CXCL3: variants seen among roughly 807,000 people sequenced by gnomAD.
The protein encoded by CXCL3 is C-X-C motif chemokine 3.
CXCL3 carries 10 observed loss-of-function variants against 11.5 expected under a neutral mutation model. That is an observed-to-expected ratio of 0.87 (90% confidence interval 0.54 to 1.48). The LOEUF is 1.48. CXCL3 is among the 40% of genes most tolerant of loss of function. The pLI, the probability that CXCL3 is intolerant of heterozygous loss-of-function variation, is 0.00. For synonymous variants in CXCL3, 61 were observed against 60.9 expected, an observed-to-expected ratio of 1.00 and a Z score of -0.01; for missense variants, 149 against 139.1, an observed-to-expected ratio of 1.07 and a Z score of -0.36.
In CXCL3 at chr4:74,036,811, A is replaced by T. The variant is rs199517714; in HGVS notation, c.*451T>A. 487 of 151,744 alleles carry T rather than the reference A, an allele frequency of 3.2e-3. No homozygotes were observed. The highest frequency in any genetic ancestry group is 0.014 in the South Asian group (67 of 4,778). The allele number at this position is 151,744 out of a possible 1,614,324, so 9.4% of individuals were successfully genotyped here. A position where few individuals can be genotyped will look rare whatever the true frequency, so the allele number is the denominator to read the frequency against. ...AAATAACAACTGACATTCTTTTTTT[A>T]AAAAAAAAGTATAAAAAATAGATGT... On this transcript the variant is annotated 3_prime_UTR_variant, in exon 4 of 4. Coordinates refer to ENST00000296026, the MANE Select transcript of CXCL3 (RefSeq NM_002090.3).
At chr4:74,037,336 C>A (rs534060736) in intron 3 of CXCL3, 59 bp from the exon 4 acceptor site, 5 of 1,610,006 alleles carry the variant, frequency 3.1e-6, no homozygotes, top group East Asian at 4.5e-5. Flanking sequence ...TTCTGTCACT[C>A]TGAAGTTGCT....
chr4:74,037,323 C>T (rs1169248799), intron 3 of CXCL3, 46 bp from the exon 4 acceptor site: 1 of 1,613,344 alleles, frequency 6.2e-7, no homozygotes, highest in Admixed American at 1.7e-5. Flanking sequence ...AGGAAGGCTG[C>T]TCTTCTGTCA....
In CXCL3 at chr4:74,038,598, G is replaced by C; in HGVS notation, c.14C>G (p.Thr5Arg). The change falls in exon 1 of 4, where the codon ACG (threonine) becomes AGG (arginine). Residue 5 changes from threonine (T) to arginine (R), a missense_variant. Physicochemically the swap from Thr to Arg is moderately conservative, Grantham distance 71. Transcript: ENST00000296026. ...GGGATTGCTGGGGGCGGCGGAGAGCGTGGCGTGGGCCATGGGGCTCAGCAG... is the reference window on the plus strand; with the variant it reads ...GGGATTGCTGGGGGCGGCGGAGAGCCTGGCGTGGGCCATGGGGCTCAGCAG... MAHA[T>R]LSAAPSNPRL... is the part of the protein sequence containing the mutation. 1 of 1,482,902 alleles carries C rather than the reference G, an allele frequency of 6.7e-7. No individual in the cohort carries two copies. The highest frequency in any genetic ancestry group is 8.9e-7 in the Non-Finnish European group (1 of 1,119,906). 91.9% of individuals were successfully genotyped at this position (1,482,902 alleles called of 1,614,324 possible).
rs1212604603 is a variant in CXCL3 at position 74,037,128 on chromosome 4, C to T, written c.*134G>A. 9.1e-6 allele frequency: 8 copies of T among 875,252 alleles called. No individual in the cohort carries two copies. The highest frequency in any genetic ancestry group is 1.4e-5 in the Non-Finnish European group (8 of 560,474). 54.2% of individuals were successfully genotyped at this position (875,252 alleles called of 1,614,324 possible). ...AAGTAGAACCCTCGTAAGAAATAGTCAAACACATTAAGTCCTTTCCAGCTG... is the reference window on the plus strand; with the variant it reads ...AAGTAGAACCCTCGTAAGAAATAGTTAAACACATTAAGTCCTTTCCAGCTG... On this transcript the variant is annotated 3_prime_UTR_variant, in exon 4 of 4. Coordinates refer to ENST00000296026, the MANE Select transcript of CXCL3 (RefSeq NM_002090.3).
At position 74,038,332 on chromosome 4, in the gene CXCL3, T is replaced by C. The variant is rs369343727; in HGVS notation, c.182A>G (p.Asn61Ser). The C allele has an allele frequency of 6.2e-7, 1 of 1,614,016 alleles. No homozygotes were observed. The highest frequency in any genetic ancestry group is 8.5e-7 in the Non-Finnish European group (1 of 1,180,014). Residue 61 changes from asparagine to serine, a missense_variant, in exon 2 of 4, where the codon AAT (asparagine) becomes AGT (serine). By Grantham distance (46) the Asn-to-Ser change is conservative. Transcript: ENST00000296026. ...GCAGTGGGGTCCGGGGGACCTTACA[T>C]TCACACTTTGGATGTTCTTGAGGTG... ...GIHLKNIQSV[N>S]VRSPGPHCAQ...
intron 3 of CXCL3, chr4:74,037,793 C>T (rs529693959): frequency 1.8e-4 from 69 of 376,366 alleles, no homozygotes; most frequent in African/African-American, 1.5e-3. Context: ...AGGTAAACGT[C>T]CCAAAACAGG....
chr4:74,038,130 G>A lies in CXCL3; in HGVS notation c.271C>T (p.Pro91Ser). Residue 91 changes from proline to serine, a missense_variant, in exon 3 of 4, where the codon CCC becomes TCC. Transcript: ENST00000296026. ...TTTTCGATGATTTTCTGAACCATGG[G>A]GGATGCGGGGTTGAGACAAGCTTTC... ...GKKACLNPAS[P>S]MVQKIIEKIL... 6.2e-7 allele frequency: 1 copy of A among 1,614,118 alleles called. No individual in the cohort carries two copies. The highest frequency in any genetic ancestry group is 8.5e-7 in the Non-Finnish European group (1 of 1,180,008).
In CXCL3 at chr4:74,038,073, A is replaced by G. The variant is rs1317159602; in HGVS notation, c.308+20T>C. 2.5e-6 allele frequency: 4 copies of G among 1,612,848 alleles called. No individual in the cohort carries two copies. Among genetic ancestry groups the G allele is most frequent in the Non-Finnish European group, 2.5e-6 (3 of 1,178,986 alleles). On this transcript the variant is annotated intron_variant, in intron 3 of 3. Coordinates refer to ENST00000296026, the MANE Select transcript of CXCL3 (RefSeq NM_002090.3). ...GACCAACGGCTCCAGTCGCCTGTGTATATGGAAATTACAACTCACTTGTTC... is the reference window on the plus strand; with the variant it reads ...GACCAACGGCTCCAGTCGCCTGTGTGTATGGAAATTACAACTCACTTGTTC...
rs201781698 is a variant in CXCL3 at position 74,037,219 on chromosome 4, G to A, written c.*43C>T. 6.2e-7 allele frequency: 1 copy of A among 1,613,302 alleles called. No homozygotes were observed. Among genetic ancestry groups the A allele is most frequent in the Non-Finnish European group, 8.5e-7 (1 of 1,179,314 alleles). ...GGTAAGGGCAGGGACCACCCTGCAG[G>A]AAGTGTCAATGATACGCTGATAAGC... On this transcript the variant is annotated 3_prime_UTR_variant, in exon 4 of 4. Transcript: ENST00000296026.
Position 74,038,392 on chromosome 4 carries a change from A to C in CXCL3, c.122T>G (p.Leu41Arg). 1 of 1,614,134 alleles carries C rather than the reference A, an allele frequency of 6.2e-7. No individual in the cohort carries two copies. Among genetic ancestry groups the C allele is most frequent in the Non-Finnish European group, 8.5e-7 (1 of 1,179,998 alleles). The change falls in exon 2 of 4, where the codon CTG becomes CGG. Residue 41 changes from leucine (L) to arginine (R), a missense_variant. Transcript: ENST00000296026. Reference protein sequence around the residue: ...RAAGASVVTELRCQCLQTLQG... With the variant: ...RAAGASVVTERRCQCLQTLQG... ...CAGTGTCTGCAAGCACTGGCAGCGC[A>C]GTTCAGTGACCACGGACGCTCCTAG...
In CXCL3 at chr4:74,038,427, G is replaced by T. The variant is rs771912453; in HGVS notation, c.101-14C>A. ...CCACGGACGCTCCTAGGGAAGAATAGACTCGCTGATTGAGCGGGGCTGTCG... is the reference window on the plus strand; with the variant it reads ...CCACGGACGCTCCTAGGGAAGAATATACTCGCTGATTGAGCGGGGCTGTCG... On this transcript the variant is annotated splice_polypyrimidine_tract_variant and intron_variant, in intron 1 of 3. Coordinates refer to ENST00000296026, the MANE Select transcript of CXCL3 (RefSeq NM_002090.3). The T allele has an allele frequency of 5.0e-5, 80 of 1,608,750 alleles. No homozygotes were observed. Among genetic ancestry groups the T allele is most frequent in the Non-Finnish European group, 6.5e-5 (76 of 1,178,000 alleles).
intron 3 of CXCL3, 47 bp from the exon 4 acceptor site, chr4:74,037,324 T>A (rs773779341): frequency 1.2e-6 from 2 of 1,613,174 alleles, no homozygotes; most frequent in Non-Finnish European, 1.7e-6. Context: ...GGAAGGCTGC[T>A]CTTCTGTCAC....
chr4:74,037,975 A>G, intron 3 of CXCL3, 118 bp downstream of exon 3: 1 of 1,046,456 alleles, frequency 9.6e-7, no homozygotes, highest in Non-Finnish European at 1.4e-6. Context: ...AATAATAATC[A>G]CAATTTCTAG....
At position 74,037,033 on chromosome 4, in the gene CXCL3, C is replaced by G. The variant is rs202015979; in HGVS notation, c.*229G>C. On this transcript the variant is annotated 3_prime_UTR_variant, in exon 4 of 4. Transcript: ENST00000296026. ...CAGGACTGAGCTATGTTTGATGAAA[C>G]ACACTCACATCTTTAAATAACAGCA... is the stretch of plus-strand genomic sequence containing the variant. 6.1e-5 allele frequency: 29 copies of G among 477,570 alleles called. No individual in the cohort carries two copies. The highest frequency in any genetic ancestry group is 1.9e-5 in the Non-Finnish European group (5 of 265,188). The allele number at this position is 477,570 out of a possible 1,614,324, so 29.6% of individuals were successfully genotyped here. A position where few individuals can be genotyped will look rare whatever the true frequency, so the allele number is the denominator to read the frequency against.
chr4:74,038,573 G>T lies in CXCL3; in HGVS notation c.39C>A (p.Pro13=). The T allele has an allele frequency of 6.7e-7, 1 of 1,488,102 alleles. No homozygotes were observed. The highest frequency in any genetic ancestry group is 1.3e-5 in the South Asian group (1 of 76,714). The allele number at this position is 1,488,102 out of a possible 1,614,324, so 92.2% of individuals were successfully genotyped here. A position where few individuals can be genotyped will look rare whatever the true frequency, so the allele number is the denominator to read the frequency against. ...HATLSAAPSN[P]RLLRVALLLL... ...GCAGCAGCGCCACCCGCAGGAGCCG[G>T]GGATTGCTGGGGGCGGCGGAGAGCG... is the stretch of plus-strand genomic sequence containing the variant. The change falls in exon 1 of 4, where the codon CCC becomes CCA. Residue 13 remains proline (P), a synonymous_variant. Transcript: ENST00000296026.
Position 74,038,594 on chromosome 4 carries a change from G to A in CXCL3, c.18C>T (p.Leu6=). 6.7e-7 allele frequency: 1 copy of A among 1,484,450 alleles called. No individual in the cohort carries two copies. Among genetic ancestry groups the A allele is most frequent in the South Asian group, 1.3e-5 (1 of 76,422 alleles). The allele number at this position is 1,484,450 out of a possible 1,614,324, so 92.0% of individuals were successfully genotyped here. The change falls in exon 1 of 4, where the codon CTC becomes CTT. Residue 6 remains leucine, a synonymous_variant. Coordinates refer to ENST00000296026, the MANE Select transcript of CXCL3 (RefSeq NM_002090.3). The stretch of plus-strand genomic sequence containing the variant: ...GCCGGGGATTGCTGGGGGCGGCGGA[G>A]AGCGTGGCGTGGGCCATGGGGCTCA... MAHAT[L]SAAPSNPRLL...
rs1342229000 is a variant in CXCL3 at position 74,038,586 on chromosome 4, G to A, written c.26C>T (p.Ala9Val). The A allele has an allele frequency of 1.3e-6, 2 of 1,485,472 alleles. No homozygotes were observed. Among genetic ancestry groups the A allele is most frequent in the Non-Finnish European group, 1.8e-6 (2 of 1,120,544 alleles). 92.0% of individuals were successfully genotyped at this position (1,485,472 alleles called of 1,614,324 possible). A position where few individuals can be genotyped will look rare whatever the true frequency, so the allele number is the denominator to read the frequency against. The part of the protein sequence containing the change: MAHATLSA[A>V]PSNPRLLRVA... ...CCGCAGGAGCCGGGGATTGCTGGGGGCGGCGGAGAGCGTGGCGTGGGCCAT... is the reference window on the plus strand; with the variant it reads ...CCGCAGGAGCCGGGGATTGCTGGGGACGGCGGAGAGCGTGGCGTGGGCCAT... Residue 9 changes from alanine to valine, a missense_variant, in exon 1 of 4, where the codon GCC becomes GTC. By Grantham distance (64) the Ala-to-Val change is moderately conservative. Coordinates refer to ENST00000296026, the MANE Select transcript of CXCL3 (RefSeq NM_002090.3).
In CXCL3 at chr4:74,037,257, T is replaced by C; in HGVS notation, c.*5A>G. 5.6e-6 allele frequency: 9 copies of C among 1,614,056 alleles called. No homozygotes were observed. Among genetic ancestry groups the C allele is most frequent in the Non-Finnish European group, 7.6e-6 (9 of 1,179,980 alleles). On this transcript the variant is annotated 3_prime_UTR_variant, in exon 4 of 4. Coordinates refer to ENST00000296026, the MANE Select transcript of CXCL3 (RefSeq NM_002090.3). The stretch of plus-strand genomic sequence containing the variant: ...TACGCTGATAAGCTTCTTACTTCTC[T>C]CCTGTCAGTTGGTGCTCCCCCTGTG...
In CXCL3 at chr4:74,038,135, G is replaced by A. The variant is rs201940372; in HGVS notation, c.266C>T (p.Ala89Val). 6.8e-6 allele frequency: 11 copies of A among 1,614,176 alleles called. No individual in the cohort carries two copies. The highest frequency in any genetic ancestry group is 9.3e-6 in the Non-Finnish European group (11 of 1,180,030). ...KNGKKACLNP[A>V]SPMVQKIIEK... ...GATGATTTTCTGAACCATGGGGGAT[G>A]CGGGGTTGAGACAAGCTTTCTTCCC... Residue 89 changes from alanine (A) to valine (V), a missense_variant, in exon 3 of 4, where the codon GCA (alanine) becomes GTA (valine). Transcript: ENST00000296026.
Sources: allele counts gnomAD v4.1 joint callset, GRCh38; gene constraint gnomAD v4.1.1; transcripts MANE v1.5; gene names NCBI Gene and HGNC (gene_info 2026-07-23, HGNC 2026-07-21).